NPNT: variants seen among roughly 807,000 people sequenced by gnomAD.
The protein encoded by NPNT is nephronectin.
In NPNT, 45 loss-of-function variants were observed where a neutral mutation model predicts 68.6. That is an observed-to-expected ratio of 0.66 (90% confidence interval 0.52 to 0.84). The LOEUF is 0.84. NPNT is among the 40% of genes least tolerant of loss of function. The pLI, the probability that NPNT is intolerant of heterozygous loss-of-function variation, is 0.00. For synonymous variants in NPNT, 233 were observed against 253.3 expected, an observed-to-expected ratio of 0.92 and a Z score of 0.76; for missense variants, 672 against 714.8, an observed-to-expected ratio of 0.94 and a Z score of 0.68.
At chr4:105,904,626 G>A (rs10007251) in intron 2 of NPNT, among the ~76,000 whole-genome samples, 3,061 of 152,182 alleles carry the variant, frequency 0.02, 101 homozygotes, top group African/African-American at 0.068. Context: ...AAAGAGCCAC[G>A]CATTCCTTTA....
At chr4:105,945,034 A>G (rs1730270298) in intron 8 of NPNT, among the ~76,000 whole-genome samples, 1 of 152,172 alleles carries the variant, frequency 6.6e-6, no homozygotes, top group Admixed American at 6.5e-5. Flanking sequence ...CTGAGAATAG[A>G]ATTTAGCTCA....
intron 8 of NPNT, among the ~76,000 whole-genome samples, chr4:105,949,456 G>A (rs1417763976): frequency 1.3e-5 from 2 of 152,164 alleles, no homozygotes; most frequent in African/African-American, 4.8e-5. Flanking sequence ...AGGAATGAGG[G>A]TTGGGGAGGG....
chr4:105,937,178 T>G (rs777875394), intron 4 of NPNT, 50 bp downstream of exon 4: 1 of 1,601,312 alleles, frequency 6.2e-7, no homozygotes, highest in South Asian at 1.1e-5. Context: ...CTTGTTTCTG[T>G]TGTGCTCTGA....
intron 2 of NPNT, among the ~76,000 whole-genome samples, chr4:105,924,779 G>A (rs1294615588): frequency 1.3e-5 from 2 of 152,138 alleles, no homozygotes; most frequent in Non-Finnish European, 2.9e-5. Context: ...AAGTTTAATT[G>A]TTTTATAAAG....
intron 2 of NPNT, among the ~76,000 whole-genome samples, chr4:105,915,715 T>G (rs1727757663): frequency 6.6e-6 from 1 of 152,190 alleles, no homozygotes; most frequent in African/African-American, 2.4e-5. Context: ...GATTTCAATT[T>G]TGGATATGTT....
intron 1 of NPNT, 24 bp downstream of exon 1, chr4:105,895,747 T>G: frequency 6.5e-7 from 1 of 1,543,462 alleles, no homozygotes. Flanking sequence ...CGGGGCGCCC[T>G]CTCCTCCTTC....
intron 4 of NPNT, 54 bp from the exon 5 acceptor site, chr4:105,938,247 C>A: frequency 6.3e-7 from 1 of 1,583,750 alleles, no homozygotes; most frequent in South Asian, 1.1e-5. Flanking sequence ...TAGCTATTTC[C>A]ATTACAGATT....
intron 2 of NPNT, among the ~76,000 whole-genome samples, chr4:105,915,041 C>A (rs903224607): frequency 6.6e-6 from 1 of 152,142 alleles, no homozygotes; most frequent in African/African-American, 2.4e-5. Context: ...AGATCTAGCA[C>A]TCAGGTGAAT....
intron 8 of NPNT, among the ~76,000 whole-genome samples, chr4:105,954,625 T>C (rs1337515785): frequency 6.6e-6 from 1 of 152,144 alleles, no homozygotes; most frequent in African/African-American, 2.4e-5. Context: ...TCCAATTCCA[T>C]TTGATGCCCT....
At chr4:105,926,984 G>C (rs1728730254) in intron 2 of NPNT, 1 of 158,324 alleles carries the variant, frequency 6.3e-6, no homozygotes, top group South Asian at 1.9e-4. Flanking sequence ...AAGTATATTT[G>C]AGGGAATGAG....
intron 3 of NPNT, among the ~76,000 whole-genome samples, chr4:105,936,019 A>C (rs1729464976): frequency 6.6e-6 from 1 of 152,220 alleles, no homozygotes. Context: ...ACATGTGGTC[A>C]CATTTCTTTT....
intron 2 of NPNT, among the ~76,000 whole-genome samples, chr4:105,910,103 C>T (rs1312171193): frequency 2.0e-5 from 3 of 151,484 alleles, no homozygotes; most frequent in African/African-American, 7.3e-5. Context: ...AGTTTCTTAT[C>T]CTTGATTTTC....
intron 6 of NPNT, 138 bp downstream of exon 6, chr4:105,940,347 C>T: frequency 9.7e-7 from 1 of 1,035,044 alleles, no homozygotes; most frequent in Non-Finnish European, 1.5e-6. Context: ...CCAGTTTAAC[C>T]ACTGGTAGTT....
chr4:105,944,978 A>C (rs1165197787), intron 8 of NPNT, among the ~76,000 whole-genome samples: 1 of 152,176 alleles, frequency 6.6e-6, no homozygotes, highest in Non-Finnish European at 1.5e-5. Context: ...TATTTTCTTC[A>C]CTTCTGGCAT....
In NPNT at chr4:105,906,786, C is replaced by T. The variant is rs1726935229; in HGVS notation, c.172+8785C>T. On this transcript the variant is annotated intron_variant, in intron 2 of 11. Coordinates refer to ENST00000379987, the MANE Select transcript of NPNT (RefSeq NM_001033047.3). Reference sequence around the variant, plus strand: ...TAGGCTCCAGTAAAAGGAGGATCTGCAAAGAAATTAGTGGGAGATTTTTTA... The same window carrying T: ...TAGGCTCCAGTAAAAGGAGGATCTGTAAAGAAATTAGTGGGAGATTTTTTA... Among the ~76,000 whole-genome samples the T allele has an allele frequency of 2.0e-5, 3 of 152,162 alleles. No homozygotes were observed. In the South Asian group the frequency reaches 6.2e-4, roughly 32 times the overall value.
chr4:105,928,624 A>G (rs1021603036), intron 3 of NPNT, among the ~76,000 whole-genome samples: 2 of 151,742 alleles, frequency 1.3e-5, no homozygotes, highest in Non-Finnish European at 2.9e-5. Flanking sequence ...AAAAAAAAAA[A>G]AAAAAAGAAA....
At chr4:105,942,739 T>C (rs1462996410) in intron 8 of NPNT, 37 bp downstream of exon 8, 2 of 1,546,078 alleles carry the variant, frequency 1.3e-6, no homozygotes, top group Admixed American at 3.9e-5. Context: ...TTCAATAGGC[T>C]CTTTATAATG....
chr4:105,917,560 A>G (rs970395636), intron 2 of NPNT, among the ~76,000 whole-genome samples: 1 of 152,178 alleles, frequency 6.6e-6, no homozygotes, highest in Admixed American at 6.6e-5. Context: ...ATGGTATAAG[A>G]TATATATATT....
intron 5 of NPNT, among the ~76,000 whole-genome samples, chr4:105,938,654 C>T (rs893518469): frequency 6.6e-6 from 1 of 152,160 alleles, no homozygotes; most frequent in Non-Finnish European, 1.5e-5. Flanking sequence ...ACCCTATGTG[C>T]AAAGACACTG....
Sources: allele counts gnomAD v4.1 joint callset (sites outside exome capture counted in the v4.1 genomes callset), GRCh38; gene constraint gnomAD v4.1.1; transcripts MANE v1.5; gene names NCBI Gene and HGNC (gene_info 2026-07-23, HGNC 2026-07-21).